Variants in TMEM260 observed in about 807,000 individuals in gnomAD.
TMEM260 encodes transmembrane protein 260, also known as protein O-mannosyl-transferase TMEM260.
TMEM260 carries 82 observed loss-of-function variants against 88.9 expected under a neutral mutation model. That is an observed-to-expected ratio of 0.92 (90% CI 0.77 to 1.11). TMEM260 has a LOEUF of 1.11. Among genes scored for constraint, TMEM260 ranks in the 50% least tolerant of loss-of-function variants. The pLI is 0.00. For synonymous variants in TMEM260, 314 were observed against 309.3 expected, an observed-to-expected ratio of 1.02 and a Z score of -0.16; for missense variants, 902 against 853.4, an observed-to-expected ratio of 1.06 and a Z score of -0.71.
chr14:56,653,363 G>A (rs1890240008), downstream of TMEM260, among the ~76,000 whole-genome samples: 1 of 152,060 alleles, frequency 6.6e-6, no homozygotes, highest in Admixed American at 6.6e-5. Flanking sequence ...ATTGATAAAT[G>A]TGTGTAGAGT....
At chr14:56,621,754 G>A (rs1171500473) in intron 11 of TMEM260, 52 bp downstream of exon 11, 3 of 1,504,462 alleles carry the variant, frequency 2.0e-6, no homozygotes, top group East Asian at 4.6e-5. Context: ...AAAAACATAT[G>A]TTTTGGAAAA....
intron 3 of TMEM260, among the ~76,000 whole-genome samples, chr14:56,588,962 C>G (rs1274854912): frequency 1.3e-5 from 2 of 151,720 alleles, no homozygotes; most frequent in African/African-American, 4.8e-5. Flanking sequence ...TTCACAAATC[C>G]TATTAATATA....
At chr14:56,653,470 ACAC>A (rs1890241758), downstream of TMEM260, among the ~76,000 whole-genome samples, 1 of 152,030 alleles carries the variant, frequency 6.6e-6, no homozygotes, top group South Asian at 2.1e-4. Flanking sequence ...ACGGTGGCTC[ACAC>A]CCATAATTCC....
rs1202383536 is a variant in TMEM260 at position 56,647,434 on chromosome 14, T to C, written c.2061T>C (p.Ile687=). The C allele has an allele frequency of 6.2e-7, 1 of 1,614,162 alleles. No homozygotes were observed. The highest frequency in any genetic ancestry group is 8.5e-7 in the Non-Finnish European group (1 of 1,180,012). Residue 687 remains isoleucine (I), a synonymous_variant, in exon 16 of 16, where the codon ATT becomes ATC. Coordinates refer to ENST00000261556, the MANE Select transcript of TMEM260 (RefSeq NM_017799.4). ...KAPNDPQQAD[I]LGALKHLRKE... The stretch of plus-strand genomic sequence containing the variant: ...CGAATGACCCACAGCAAGCTGATAT[T>C]TTAGGTGCTCTAAAGCACCTAAGAA...
Position 56,636,523 on chromosome 14 carries a change from CT to C in TMEM260, c.1796del (p.Phe599SerfsTer15). 2 of 1,613,944 alleles carry C rather than the reference CT, an allele frequency of 1.2e-6. No homozygotes were observed. Among genetic ancestry groups the C allele is most frequent in the Non-Finnish European group, 8.5e-7 (1 of 1,179,912 alleles). ...CCACCCCCAGGATGAAAACACCGTT[CT>C]TCATCTTTAACCTGGCAGAAACTGC... ...MWQARMKTPF[F>X]IFNLAETAHM... On this transcript the variant is annotated frameshift_variant, in exon 15 of 16. Coordinates refer to ENST00000261556, the MANE Select transcript of TMEM260 (RefSeq NM_017799.4). LOFTEE classifies it high-confidence loss of function.
At chr14:56,616,157 A>T (rs536496574) in intron 8 of TMEM260, 130 bp downstream of exon 8, 1 of 635,638 alleles carries the variant, frequency 1.6e-6, no homozygotes, top group Admixed American at 2.8e-5. Flanking sequence ...CTAGCTGTCT[A>T]TTAAGATAAA....
At chr14:56,589,423 C>T (rs1320164013) in intron 3 of TMEM260, among the ~76,000 whole-genome samples, 1 of 151,952 alleles carries the variant, frequency 6.6e-6, no homozygotes, top group Admixed American at 6.6e-5. Context: ...TTTTTATAAT[C>T]AAAATTCAGT....
chr14:56,626,356 G>A (rs1304589402), intron 12 of TMEM260, among the ~76,000 whole-genome samples: 7 of 152,056 alleles, frequency 4.6e-5, no homozygotes, highest in African/African-American at 1.7e-4. Flanking sequence ...AAAATATTAG[G>A]AACCATTAAC....
At chr14:56,616,861 A>T (rs1313301304) in intron 8 of TMEM260, among the ~76,000 whole-genome samples, 2 of 152,124 alleles carry the variant, frequency 1.3e-5, no homozygotes, top group Non-Finnish European at 2.9e-5. Flanking sequence ...TATCGTTCTT[A>T]AATCTTTATT....
At chr14:56,650,448 C>T (rs1213759048), downstream of TMEM260, 2 of 161,280 alleles carry the variant, frequency 1.2e-5, no homozygotes, top group Admixed American at 1.2e-4. Context: ...TAGGAGTATG[C>T]TTGGTTCTTG....
the TMEM260 span, among the ~76,000 whole-genome samples, chr14:56,657,096 G>A: frequency 1.1e-4 from 16 of 152,172 alleles, no homozygotes; most frequent in Non-Finnish European, 2.1e-4. Flanking sequence ...CTACCCCCCA[G>A]GGACTTCTCA....
rs897867094 is a variant in TMEM260, at chr14:56,648,270, G to T, written c.*773G>T. ...AAAGGGGAAAAAAAGGCAGGGATTG[G>T]GGGGGATGGGGAAGTGGCCCAATAA... On this transcript the variant is annotated 3_prime_UTR_variant, in exon 16 of 16. Coordinates refer to ENST00000261556, the MANE Select transcript of TMEM260 (RefSeq NM_017799.4). The T allele has an allele frequency of 6.6e-6, 1 of 152,080 alleles. No homozygotes were observed. Among genetic ancestry groups the T allele is most frequent in the South Asian group, 2.1e-4 (1 of 4,816 alleles). The allele number at this position is 152,080 out of a possible 1,614,324, so 9.4% of individuals were successfully genotyped here. A position where few individuals can be genotyped will look rare whatever the true frequency, so the allele number is the denominator to read the frequency against.
intron 6 of TMEM260, among the ~76,000 whole-genome samples, chr14:56,610,373 T>G (rs577359308): frequency 1.3e-5 from 2 of 152,120 alleles, no homozygotes; most frequent in Non-Finnish European, 2.9e-5. Flanking sequence ...CCCCAGCAGC[T>G]GGGACTACAG....
rs555189763 is a variant in TMEM260, at chr14:56,602,794, T to C, written c.345-1021T>C. 5.3e-5 allele frequency among the ~76,000 whole-genome samples: 8 copies of C among 152,266 alleles called. No individual in the cohort carries two copies. In the East Asian group the frequency reaches 5.8e-4, roughly 11 times the overall value. On this transcript the variant is annotated intron_variant, in intron 3 of 15. Transcript: ENST00000261556. ...CAAAGTAAAAACAGGTTTACTGATATTGAGATTTTTATTTAATCATTTAAA... is the reference window on the plus strand; with the variant it reads ...CAAAGTAAAAACAGGTTTACTGATACTGAGATTTTTATTTAATCATTTAAA...
At chr14:56,616,735 T>C (rs1248429746) in intron 8 of TMEM260, among the ~76,000 whole-genome samples, 1 of 152,092 alleles carries the variant, frequency 6.6e-6, no homozygotes, top group Non-Finnish European at 1.5e-5. Flanking sequence ...GATAAATAAC[T>C]GAGTCAATGA....
intron 4 of TMEM260, 28 bp from the exon 5 acceptor site, chr14:56,605,542 T>C (rs775349797): frequency 2.3e-6 from 3 of 1,323,966 alleles, no homozygotes; most frequent in Middle Eastern, 2.4e-4. Context: ...AATTTTTTAC[T>C]TAATTTTTTT....
intron 5 of TMEM260, 29 bp from the exon 6 acceptor site, chr14:56,609,077 G>T: frequency 6.2e-7 from 1 of 1,606,278 alleles, no homozygotes; most frequent in Non-Finnish European, 8.5e-7. Context: ...AATAAACATT[G>T]TTATACCACC....
chr14:56,639,948 C>T (rs186631647), intron 15 of TMEM260, among the ~76,000 whole-genome samples: 6 of 152,290 alleles, frequency 3.9e-5, no homozygotes, highest in African/African-American at 9.6e-5. Context: ...GGGTGCCCGC[C>T]ATTGCTGAGG....
intron 6 of TMEM260, among the ~76,000 whole-genome samples, chr14:56,611,933 A>G (rs879499537): frequency 9.9e-5 from 15 of 152,220 alleles, no homozygotes; most frequent in Non-Finnish European, 1.3e-4. Context: ...GTTCTCATTT[A>G]TAAGTGGGAG....
Sources: allele counts gnomAD v4.1 joint callset (sites outside exome capture counted in the v4.1 genomes callset), GRCh38; gene constraint gnomAD v4.1.1; transcripts MANE v1.5; gene names NCBI Gene and HGNC (gene_info 2026-07-23, HGNC 2026-07-21).